The following COL19A1 variants were observed in gnomAD, a reference collection of about 807,000 sequenced individuals.
COL19A1 encodes collagen type XIX alpha 1 chain.
In COL19A1, 159 loss-of-function variants were observed where a neutral mutation model predicts 190.2. That is an observed-to-expected ratio of 0.84 (90% CI 0.73 to 0.95). The LOEUF (loss-of-function observed/expected upper bound fraction) is 0.95, where lower values mean the gene tolerates loss of function less well. Among genes scored for constraint, COL19A1 ranks in the 40% least tolerant of loss-of-function variants. COL19A1 has a pLI of 0.00. For synonymous variants in COL19A1, 509 were observed against 458.9 expected (o/e 1.11, Z -1.39); for missense variants, 1,418 against 1,431.9 (o/e 0.99, Z 0.16).
chr6:69,867,930 A>G (rs1390294237), intron 1 of COL19A1, among the ~76,000 whole-genome samples: 1 of 152,028 alleles, frequency 6.6e-6, no homozygotes, highest in Admixed American at 6.5e-5. Context: ...ATGGAAGAGT[A>G]AGGGAAATAA....
At chr6:70,104,689 T>G (rs75722046) in intron 16 of COL19A1, among the ~76,000 whole-genome samples, 2,440 of 152,298 alleles carry the variant, frequency 0.016, 64 homozygotes, top group African/African-American at 0.055. Context: ...ATCTTTAAAA[T>G]AATTGTTTCA....
intron 1 of COL19A1, among the ~76,000 whole-genome samples, chr6:69,875,532 CAGAGAAATA>C: frequency 6.6e-6 from 1 of 152,036 alleles, no homozygotes; most frequent in Non-Finnish European, 1.5e-5. Flanking sequence ...GGGATAGTGG[CAGAGAAATA>C]AGAGAAATAA....
intron 18 of COL19A1, 84 bp downstream of exon 18, chr6:70,130,307 C>T (rs926837794): frequency 5.4e-6 from 6 of 1,110,952 alleles, no homozygotes; most frequent in Non-Finnish European, 6.5e-6. Context: ...CTCACTATAA[C>T]CTCCACCTCC....
At chr6:69,941,581 T>A (rs1464331289) in intron 9 of COL19A1, among the ~76,000 whole-genome samples, 1 of 152,174 alleles carries the variant, frequency 6.6e-6, no homozygotes, top group South Asian at 2.1e-4. Flanking sequence ...GATCAATAGT[T>A]GATTTCTTCA....
intron 9 of COL19A1, among the ~76,000 whole-genome samples, chr6:69,949,875 C>T (rs1240613929): frequency 6.6e-6 from 1 of 151,802 alleles, no homozygotes; most frequent in African/African-American, 2.4e-5. Context: ...TTAACTGTTT[C>T]ACTTGGAGCA....
At chr6:70,163,283 C>A in intron 35 of COL19A1, 60 bp from the exon 36 acceptor site, 2 of 1,497,918 alleles carry the variant, frequency 1.3e-6, no homozygotes, top group South Asian at 2.4e-5. Flanking sequence ...AACCAACTTC[C>A]AATACCCTTT....
intron 49 of COL19A1, among the ~76,000 whole-genome samples, chr6:70,203,510 G>A (rs893763250): frequency 3.3e-5 from 5 of 152,094 alleles, no homozygotes; most frequent in Non-Finnish European, 7.3e-5. Flanking sequence ...TCAATTGGTG[G>A]AGTAGAACCA....
At chr6:70,051,720 C>T (rs774572152) in intron 14 of COL19A1, among the ~76,000 whole-genome samples, 2 of 150,914 alleles carry the variant, frequency 1.3e-5, no homozygotes, top group East Asian at 1.9e-4. Flanking sequence ...ATGGAAAGAC[C>T]CATTGTCTCT....
chr6:69,936,875 G>A lies in COL19A1; in HGVS notation c.838G>A (p.Glu280Lys). The A allele has an allele frequency of 6.2e-7, 1 of 1,613,106 alleles. No homozygotes were observed. The highest frequency in any genetic ancestry group is 2.2e-5 in the East Asian group (1 of 44,874). ...GTCTTCATATCTGCCAGCAAAGCAG[G>A]AACTTAAAGACCAGTGCCAGTGCAT... ...KMSSYLPAKQ[E>K]LKDQCQCIPN... Residue 280 changes from glutamate to lysine, a missense_variant, in exon 8 of 51, where the codon GAA becomes AAA. Glu to Lys is a moderately conservative substitution (Grantham distance 56, BLOSUM62 1). Transcript: ENST00000620364.
At chr6:70,067,408 G>A (rs1393408157) in intron 14 of COL19A1, among the ~76,000 whole-genome samples, 1 of 152,112 alleles carries the variant, frequency 6.6e-6, no homozygotes, top group East Asian at 1.9e-4. Context: ...TTTCTGGCAT[G>A]AGCATGAAGA....
intron 41 of COL19A1, among the ~76,000 whole-genome samples, chr6:70,176,302 A>G (rs1765800042): frequency 6.6e-6 from 1 of 152,214 alleles, no homozygotes; most frequent in South Asian, 2.1e-4. Context: ...CTTTAGTTTT[A>G]TGGAAAATAA....
At chr6:70,086,915 G>A (rs1447603813) in intron 15 of COL19A1, among the ~76,000 whole-genome samples, 2 of 152,132 alleles carry the variant, frequency 1.3e-5, no homozygotes, top group Non-Finnish European at 2.9e-5. Context: ...AACTGCTGTA[G>A]GCAGAGGATA....
chr6:69,951,978 A>G (rs1774152304), intron 9 of COL19A1, among the ~76,000 whole-genome samples: 1 of 151,872 alleles, frequency 6.6e-6, no homozygotes, highest in African/African-American at 2.4e-5. Flanking sequence ...GCAGGTCTGA[A>G]TTAGATCTTA....
At chr6:70,001,941 G>T (rs770227657) in intron 11 of COL19A1, among the ~76,000 whole-genome samples, 3 of 152,106 alleles carry the variant, frequency 2.0e-5, no homozygotes, top group Non-Finnish European at 2.9e-5. Flanking sequence ...TGTGTCTTGT[G>T]CCTGTTTTCA....
chr6:69,924,922 T>C (rs1222065418), intron 4 of COL19A1, among the ~76,000 whole-genome samples: 2 of 152,214 alleles, frequency 1.3e-5, no homozygotes, highest in Non-Finnish European at 2.9e-5. Context: ...TGCCCACTTT[T>C]TGATGGGGTT....
intron 14 of COL19A1, among the ~76,000 whole-genome samples, chr6:70,066,817 A>G (rs531106027): frequency 1.5e-4 from 23 of 152,212 alleles, no homozygotes; most frequent in African/African-American, 4.3e-4. Context: ...GAATAAATTT[A>G]CATTTATTTG....
At chr6:70,198,008 T>C (rs1767316959) in intron 48 of COL19A1, among the ~76,000 whole-genome samples, 1 of 152,234 alleles carries the variant, frequency 6.6e-6, no homozygotes, top group African/African-American at 2.4e-5. Context: ...TGAAAACTCA[T>C]GGGAAAACAG....
At chr6:70,103,052 G>T (rs1417440238) in intron 16 of COL19A1, among the ~76,000 whole-genome samples, 1 of 152,140 alleles carries the variant, frequency 6.6e-6, no homozygotes, top group African/African-American at 2.4e-5. Context: ...ATGAATGCCA[G>T]TTTTTTATTT....
At chr6:70,055,210 A>T (rs981658750) in intron 14 of COL19A1, among the ~76,000 whole-genome samples, 1 of 152,196 alleles carries the variant, frequency 6.6e-6, no homozygotes, top group African/African-American at 2.4e-5. Flanking sequence ...GTGGTCAAAA[A>T]GTTTGATAGT....
Sources: gnomAD v4.1 joint callset for allele counts (sites outside exome capture counted in the v4.1 genomes callset) on GRCh38, gnomAD v4.1.1 for gene constraint, MANE v1.5 for transcripts, NCBI Gene and HGNC (gene_info 2026-07-23, HGNC 2026-07-21) for gene names.